DDC: variants seen among roughly 807,000 people sequenced by gnomAD.
DDC encodes aromatic-L-amino-acid decarboxylase.
DDC carries 43 observed loss-of-function variants against 60.0 expected under a neutral mutation model. The observed-to-expected ratio is 0.72, with a 90% CI of 0.56 to 0.92. DDC has a LOEUF of 0.92. Among genes scored for constraint, DDC ranks in the 40% least tolerant of loss-of-function variants. DDC has a pLI of 0.00. For synonymous variants in DDC, 232 were observed against 234.6 expected, an observed-to-expected ratio of 0.99 and a Z score of 0.10; for missense variants, 573 against 620.2, an observed-to-expected ratio of 0.92 and a Z score of 0.81.
At chr7:50,463,817 G>C (rs1386887267) in intron 13 of DDC, among the ~76,000 whole-genome samples, 2 of 152,190 alleles carry the variant, frequency 1.3e-5, no homozygotes, top group African/African-American at 4.8e-5. Context: ...ACATAGAAGA[G>C]TCTCAGCAAC....
At chr7:50,556,713 T>C (rs2045199933) in intron 1 of DDC, among the ~76,000 whole-genome samples, 1 of 152,224 alleles carries the variant, frequency 6.6e-6, no homozygotes, top group Non-Finnish European at 1.5e-5. Context: ...GTAAGGGACT[T>C]TGCACTGGGT....
rs764101547 is a variant in DDC, at chr7:50,461,046, TA to T, written c.*18+2166del. Among the ~76,000 whole-genome samples, 103 of 131,006 alleles carry T rather than the reference TA, an allele frequency of 7.9e-4. 1 individual carries two copies. The highest frequency in any genetic ancestry group is 1.7e-3 in the African/African-American group (61 of 35,220). The allele number at this position is 131,006 out of a possible 152,430, so 85.9% of individuals were successfully genotyped here. ...GTGAGAAACACCCAAGAATGATCAA[TA>T]AAAAAAAAAATAAATAAATAAATAA... On this transcript the variant is annotated intron_variant, in intron 14 of 14. Transcript: ENST00000444124.
intron 6 of DDC, among the ~76,000 whole-genome samples, chr7:50,508,957 C>T (rs1248818168): frequency 6.6e-6 from 1 of 152,190 alleles, no homozygotes; most frequent in East Asian, 1.9e-4. Flanking sequence ...GCACCATGCC[C>T]AGAAGTACCT....
At chr7:50,468,436 C>T (rs1168078922) in intron 12 of DDC, among the ~76,000 whole-genome samples, 1 of 152,076 alleles carries the variant, frequency 6.6e-6, no homozygotes, top group Non-Finnish European at 1.5e-5. Context: ...GCTTTCTTTC[C>T]CCAAAAAAGC....
At chr7:50,476,934 C>G (rs2042659263) in intron 10 of DDC, among the ~76,000 whole-genome samples, 1 of 152,208 alleles carries the variant, frequency 6.6e-6, no homozygotes, top group South Asian at 2.1e-4. Flanking sequence ...GAGGTTTCAT[C>G]TAGTGCCCAG....
At chr7:50,467,849 G>T (rs2042432678) in intron 12 of DDC, among the ~76,000 whole-genome samples, 1 of 152,256 alleles carries the variant, frequency 6.6e-6, no homozygotes, top group Non-Finnish European at 1.5e-5. Context: ...TGATGGAGCT[G>T]CAGCTCTGTG....
intron 6 of DDC, among the ~76,000 whole-genome samples, chr7:50,510,118 A>C (rs916010134): frequency 1.3e-5 from 2 of 151,880 alleles, no homozygotes; most frequent in Non-Finnish European, 2.9e-5. Context: ...ACTACAGGTG[A>C]CTGCCACCAT....
chr7:50,535,090 G>A (rs770850408), intron 4 of DDC, among the ~76,000 whole-genome samples: 13 of 152,154 alleles, frequency 8.5e-5, no homozygotes, highest in African/African-American at 2.4e-4. Flanking sequence ...TTGCTGCTAC[G>A]TAGAATGGTA....
intron 1 of DDC, among the ~76,000 whole-genome samples, chr7:50,564,902 G>A (rs1220040881): frequency 6.6e-6 from 1 of 152,148 alleles, no homozygotes; most frequent in Non-Finnish European, 1.5e-5. Flanking sequence ...ATCCTCACAA[G>A]GTAGATACTA....
intron 6 of DDC, among the ~76,000 whole-genome samples, chr7:50,523,854 C>G (rs1415975710): frequency 6.6e-6 from 1 of 152,234 alleles, no homozygotes; most frequent in Non-Finnish European, 1.5e-5. Context: ...TATGTACACA[C>G]AAAAACCTGC....
intron 9 of DDC, among the ~76,000 whole-genome samples, chr7:50,482,874 G>T (rs778763053): frequency 3.3e-5 from 5 of 152,166 alleles, no homozygotes; most frequent in Non-Finnish European, 7.4e-5. Context: ...AAATGTTAGT[G>T]TATCTAGACA....
intron 1 of DDC, among the ~76,000 whole-genome samples, chr7:50,560,857 T>C (rs1339567515): frequency 6.6e-6 from 1 of 152,152 alleles, no homozygotes; most frequent in African/African-American, 2.4e-5. Flanking sequence ...ACACACTGAA[T>C]GCTCAGCTGT....
intron 14 of DDC, among the ~76,000 whole-genome samples, chr7:50,460,031 C>T (rs1195933339): frequency 6.9e-6 from 1 of 145,192 alleles, no homozygotes; most frequent in African/African-American, 2.6e-5. Flanking sequence ...CTCTGCCCGG[C>T]CAGCTGCCCC....
intron 1 of DDC, among the ~76,000 whole-genome samples, chr7:50,552,335 GC>G (rs1563051071): frequency 6.6e-6 from 1 of 152,142 alleles, no homozygotes; most frequent in Non-Finnish European, 1.5e-5. Context: ...GACATAAACT[GC>G]CCAGTGTTCC....
intron 5 of DDC, among the ~76,000 whole-genome samples, chr7:50,528,624 C>T (rs2044107078): frequency 1.3e-5 from 2 of 152,248 alleles, no homozygotes; most frequent in Admixed American, 6.5e-5. Flanking sequence ...ACTTAGAAAT[C>T]CTAGGCTCAA....
intron 13 of DDC, among the ~76,000 whole-genome samples, chr7:50,465,379 C>CT (rs975848450): frequency 4.2e-4 from 64 of 151,028 alleles, no homozygotes; most frequent in Non-Finnish European, 2.5e-4. Flanking sequence ...CAAACGTAGC[C>CT]TTTTTTTTTG....
At chr7:50,520,107 T>C (rs572406574) in intron 6 of DDC, among the ~76,000 whole-genome samples, 2 of 152,286 alleles carry the variant, frequency 1.3e-5, no homozygotes, top group Non-Finnish European at 2.9e-5. Flanking sequence ...TTGTCAGAAA[T>C]GGACAGGTCC....
intron 1 of DDC, among the ~76,000 whole-genome samples, chr7:50,561,549 G>A (rs980639476): frequency 6.6e-6 from 1 of 152,096 alleles, no homozygotes; most frequent in African/African-American, 2.4e-5. Flanking sequence ...GTGTTGAGCC[G>A]CATGCATCTC....
chr7:50,499,305 G>C lies in DDC; in HGVS notation c.782-63C>G, dbSNP rs963391353. 1.3e-5 allele frequency: 15 copies of C among 1,157,520 alleles called. 1 individual carries two copies. The South Asian group carries it at 1.9e-4, about 15-fold the overall frequency. 71.7% of individuals were successfully genotyped at this position (1,157,520 alleles called of 1,614,324 possible). On this transcript the variant is annotated intron_variant, in intron 7 of 14. Transcript: ENST00000444124. ...TGCCTCACCACGGAGCCTGCCAGCTGACCTCGCCCTGTCTGAGCACCTTCT... is the reference window on the plus strand; with the variant it reads ...TGCCTCACCACGGAGCCTGCCAGCTCACCTCGCCCTGTCTGAGCACCTTCT...
Sources: allele counts gnomAD v4.1 joint callset (sites outside exome capture counted in the v4.1 genomes callset), GRCh38; gene constraint gnomAD v4.1.1; transcripts MANE v1.5; gene names NCBI Gene and HGNC (gene_info 2026-07-23, HGNC 2026-07-21).